BLTP1: variants seen among roughly 807,000 people sequenced by gnomAD.
BLTP1 encodes the protein bridge-like lipid transfer protein family member 1.
At chr4:122,313,181 T>A in the BLTP1 span, among the ~76,000 whole-genome samples, 1 of 152,166 alleles carries the variant, frequency 6.6e-6, no homozygotes, top group African/African-American at 2.4e-5. Context: ...GTAAGACTGA[T>A]GAATCATGTG....
the BLTP1 span, among the ~76,000 whole-genome samples, chr4:122,162,137 G>C: frequency 6.6e-6 from 1 of 152,186 alleles, no homozygotes; most frequent in African/African-American, 2.4e-5. Flanking sequence ...TTTCTGAGCT[G>C]TATGGTAGAA....
chr4:122,204,474 A>G, the BLTP1 span: 14 of 925,622 alleles, frequency 1.5e-5, no homozygotes, highest in African/African-American at 1.8e-5. Context: ...AACTTGAGGC[A>G]TAGAAACATT....
chr4:122,210,123 T>C, the BLTP1 span: 18 of 399,298 alleles, frequency 4.5e-5, no homozygotes, highest in East Asian at 2.6e-3. Flanking sequence ...ATTTTCTGGC[T>C]TCTATTATCT....
the BLTP1 span, among the ~76,000 whole-genome samples, chr4:122,242,330 T>A: frequency 6.6e-6 from 1 of 152,158 alleles, no homozygotes; most frequent in Non-Finnish European, 1.5e-5. Context: ...TGTGACAATA[T>A]GAATGAATCT....
the BLTP1 span, among the ~76,000 whole-genome samples, chr4:122,284,719 A>G: frequency 6.6e-6 from 1 of 152,232 alleles, no homozygotes; most frequent in Non-Finnish European, 1.5e-5. Context: ...AGATATTTAC[A>G]GAACTTTTGT....
At chr4:122,217,471 G>C in the BLTP1 span, among the ~76,000 whole-genome samples, 30 of 151,358 alleles carry the variant, frequency 2.0e-4, 1 homozygote, top group South Asian at 6.1e-3. Flanking sequence ...TCACAATATT[G>C]ATTCTACCCA....
the BLTP1 span, among the ~76,000 whole-genome samples, chr4:122,319,592 A>G: frequency 7.2e-6 from 1 of 139,696 alleles, no homozygotes; most frequent in Non-Finnish European, 1.5e-5. Flanking sequence ...CCCAGATTGG[A>G]GTGAAGTGGT....
At chr4:122,243,915 G>A in the BLTP1 span, 1 of 1,609,800 alleles carries the variant, frequency 6.2e-7, no homozygotes, top group African/African-American at 1.3e-5. Flanking sequence ...AACATTAACA[G>A]AAGAGTGGAC....
the BLTP1 span, chr4:122,263,578 A>G: frequency 1.2e-5 from 19 of 1,608,680 alleles, no homozygotes; most frequent in African/African-American, 2.7e-5. Context: ...TTACAAAATC[A>G]GGACACAATA....
the BLTP1 span, chr4:122,307,830 G>T: frequency 6.7e-7 from 1 of 1,501,686 alleles, no homozygotes; most frequent in Non-Finnish European, 8.8e-7. Flanking sequence ...TAATGCTACA[G>T]TTTTCTGGGT....
chr4:122,194,855 A>G, the BLTP1 span: 2 of 185,434 alleles, frequency 1.1e-5, no homozygotes, highest in Non-Finnish European at 2.0e-5. Context: ...CTGCCAGGAG[A>G]GAAGAGCAAT....
the BLTP1 span, chr4:122,273,508 T>G: frequency 1.2e-6 from 1 of 837,386 alleles, no homozygotes; most frequent in Non-Finnish European, 1.4e-6. Flanking sequence ...AAATTGTCAG[T>G]TTTTTCATCT....
the BLTP1 span, among the ~76,000 whole-genome samples, chr4:122,332,283 G>A: frequency 6.6e-6 from 1 of 151,786 alleles, no homozygotes; most frequent in Admixed American, 6.6e-5. Flanking sequence ...AATAAAAAAG[G>A]TACTATAAAC....
At chr4:122,200,463 C>T in the BLTP1 span, 2 of 619,826 alleles carry the variant, frequency 3.2e-6, no homozygotes, top group African/African-American at 4.0e-5. Context: ...GCCTGTAATC[C>T]CAGCTACTCT....
the BLTP1 span, chr4:122,235,689 C>G: frequency 1.9e-5 from 3 of 153,884 alleles, no homozygotes; most frequent in African/African-American, 7.2e-5. Context: ...CCTGTAGTCC[C>G]AGCTACTCGG....
At chr4:122,270,262 C>G in the BLTP1 span, 4 of 530,400 alleles carry the variant, frequency 7.5e-6, no homozygotes, top group African/African-American at 8.3e-5. Context: ...AATATCAAAG[C>G]AGCTTCTGAT....
chr4:122,306,789 A>T, the BLTP1 span: 1 of 525,706 alleles, frequency 1.9e-6, no homozygotes, highest in East Asian at 1.5e-4. Flanking sequence ...ATTAATGTGG[A>T]TTGGGCAAAT....
chr4:122,197,346 A>G, the BLTP1 span: 3 of 1,127,468 alleles, frequency 2.7e-6, no homozygotes, highest in African/African-American at 3.3e-5. Flanking sequence ...TTTGTTAATC[A>G]TCTTAGACTA....
the BLTP1 span, among the ~76,000 whole-genome samples, chr4:122,327,704 T>A: frequency 6.6e-6 from 1 of 151,396 alleles, no homozygotes; most frequent in South Asian, 2.1e-4. Context: ...ACAAAAAGCA[T>A]CTACTAGCAT....
Sources: gnomAD v4.1 joint callset for allele counts (sites outside exome capture counted in the v4.1 genomes callset) on GRCh38, gnomAD v4.1.1 for gene constraint, MANE v1.5 for transcripts, NCBI Gene and HGNC (gene_info 2026-07-23, HGNC 2026-07-21) for gene names.